The following AFF3 variants were observed in gnomAD, a reference collection of about 807,000 sequenced individuals.
AFF3 encodes the protein AF4/FMR2 family member 3.
Under a neutral mutation model 129.7 loss-of-function variants are expected in AFF3, and 32 were observed. The observed-to-expected ratio is 0.25, with a 90% CI of 0.19 to 0.33. AFF3 has a LOEUF of 0.33. AFF3 is among the 10% of genes least tolerant of loss of function. AFF3 has a pLI of 1.00. For missense variants in AFF3, 1,373 were observed against 1,592.0 expected (o/e 0.86, Z 2.34); for synonymous variants, 644 against 635.4 (o/e 1.01, Z -0.20).
chr2:99,981,497 A>G (rs1011656071), intron 7 of AFF3, among the ~76,000 whole-genome samples: 1 of 152,240 alleles, frequency 6.6e-6, no homozygotes, highest in Non-Finnish European at 1.5e-5. Flanking sequence ...CTAGAAGTTT[A>G]GATTAGAATC....
intron 7 of AFF3, among the ~76,000 whole-genome samples, chr2:99,972,815 G>GC (rs1678516418): frequency 6.6e-6 from 1 of 152,152 alleles, no homozygotes. Flanking sequence ...GCAAAGATAT[G>GC]CCCCCAACTC....
rs17023167 is a variant in AFF3, at chr2:99,833,748, C to G, written c.921+3729G>C. On this transcript the variant is annotated intron_variant, in intron 8 of 24. Coordinates refer to ENST00000672756, the MANE Select transcript of AFF3 (RefSeq NM_001386135.1). ...TATGAAAAGCACCTAAGTATTACAG[C>G]ACTGGAACATTTAAGGATAAAATAG... is the stretch of plus-strand genomic sequence containing the variant. Among the ~76,000 whole-genome samples, 1,135 of 152,218 alleles carry G rather than the reference C, an allele frequency of 7.5e-3. 16 individuals carry two copies. Among genetic ancestry groups the G allele is most frequent in the African/African-American group, 0.026 (1,099 of 41,542 alleles).
intron 4 of AFF3, among the ~76,000 whole-genome samples, chr2:100,063,816 G>A (rs541787607): frequency 1.5e-4 from 23 of 152,214 alleles, no homozygotes; most frequent in African/African-American, 2.4e-4. Flanking sequence ...CAGGCTGGGC[G>A]CGGTGGCTCA....
chr2:99,877,825 C>T (rs932482321), intron 7 of AFF3, among the ~76,000 whole-genome samples: 4 of 152,090 alleles, frequency 2.6e-5, no homozygotes, highest in African/African-American at 4.8e-5. Flanking sequence ...TTCACAAAAA[C>T]GTGCACTATT....
At chr2:99,813,263 T>C (rs185860492) in intron 8 of AFF3, among the ~76,000 whole-genome samples, 1 of 152,358 alleles carries the variant, frequency 6.6e-6, no homozygotes, top group East Asian at 1.9e-4. Flanking sequence ...CAGTTCCAAC[T>C]ACAGCTCAAT....
chr2:99,639,343 T>C (rs1412837520), intron 13 of AFF3, among the ~76,000 whole-genome samples: 1 of 152,184 alleles, frequency 6.6e-6, no homozygotes, highest in African/African-American at 2.4e-5. Flanking sequence ...ATGCAGTGGA[T>C]TGAGCTAACA....
At chr2:99,851,388 T>G (rs1301735391) in intron 7 of AFF3, among the ~76,000 whole-genome samples, 2 of 152,212 alleles carry the variant, frequency 1.3e-5, no homozygotes, top group Non-Finnish European at 2.9e-5. Context: ...TTCCCTGCAT[T>G]GATGTTTTAT....
At chr2:99,910,567 T>C (rs908844618) in intron 7 of AFF3, among the ~76,000 whole-genome samples, 9 of 152,328 alleles carry the variant, frequency 5.9e-5, no homozygotes, top group African/African-American at 2.2e-4. Flanking sequence ...CATCACTGTG[T>C]AATAGTGCAA....
At chr2:99,947,633 T>TAGACAGAC (rs1211365979) in intron 7 of AFF3, among the ~76,000 whole-genome samples, 54 of 143,280 alleles carry the variant, frequency 3.8e-4, no homozygotes, top group African/African-American at 1.4e-3. Flanking sequence ...GATAGATAGA[T>TAGACAGAC]AGATAGATAG....
intron 7 of AFF3, among the ~76,000 whole-genome samples, chr2:99,868,414 G>A (rs572691093): frequency 6.6e-6 from 1 of 152,266 alleles, no homozygotes; most frequent in South Asian, 2.1e-4. Context: ...AGGCCGGGAG[G>A]GGAGACAGCA....
chr2:100,122,494 C>A lies in AFF3; in HGVS notation c.-145+6730G>T, dbSNP rs907860205. Among the ~76,000 whole-genome samples the A allele has an allele frequency of 2.6e-5, 4 of 152,300 alleles. No individual in the cohort carries two copies. In the South Asian group the frequency reaches 8.3e-4, roughly 32 times the overall value. ...AAATAAAGCATCACTCAAGGATGTG[C>A]AGGGCAAATTAAGAGATGGTCGCAG... is the stretch of plus-strand genomic sequence containing the variant. On this transcript the variant is annotated intron_variant, in intron 2 of 24. Coordinates refer to ENST00000672756, the MANE Select transcript of AFF3 (RefSeq NM_001386135.1).
Position 99,933,879 on chromosome 2 carries a change from G to A in AFF3, c.873+72753C>T, listed in dbSNP as rs112473418. On this transcript the variant is annotated intron_variant, in intron 7 of 24. Transcript: ENST00000672756. ...GTAGAACAAATAATTAATGGTGTCC[G>A]GAGGTAGTTAAAAAGGGAGGGATGG... 9.0e-3 allele frequency among the ~76,000 whole-genome samples: 1,369 copies of A among 152,234 alleles called. 12 individuals carry two copies. Among genetic ancestry groups the A allele is most frequent in the Non-Finnish European group, 0.014 (983 of 68,016 alleles).
Position 99,643,681 on chromosome 2 carries a change from G to A in AFF3, c.1184+5945C>T, listed in dbSNP as rs1255533649. ...CTGGAGCTCGTCCACTTGACAAGGG[G>A]TCAGGAAGATGAAGCTGAATCCAAC... On this transcript the variant is annotated intron_variant, in intron 13 of 24. Transcript: ENST00000672756. Among the ~76,000 whole-genome samples the A allele has an allele frequency of 5.3e-5, 8 of 152,122 alleles. No homozygotes were observed. The East Asian group carries it at 1.5e-3, about 29-fold the overall frequency.
intron 7 of AFF3, among the ~76,000 whole-genome samples, chr2:99,896,324 T>C (rs1470136862): frequency 6.6e-6 from 1 of 152,072 alleles, no homozygotes; most frequent in Non-Finnish European, 1.5e-5. Context: ...CAGGGACCTC[T>C]GAAGCTTCCC....
chr2:100,013,783 C>G (rs1377912689), intron 4 of AFF3, among the ~76,000 whole-genome samples: 1 of 152,106 alleles, frequency 6.6e-6, no homozygotes, highest in Non-Finnish European at 1.5e-5. Flanking sequence ...AGAAATCAGT[C>G]TCTTTCCACA....
chr2:99,855,639 A>G (rs1457101214), intron 7 of AFF3, among the ~76,000 whole-genome samples: 1 of 152,178 alleles, frequency 6.6e-6, no homozygotes, highest in Non-Finnish European at 1.5e-5. Context: ...GAATGCCCAA[A>G]TAAATAAATA....
intron 4 of AFF3, among the ~76,000 whole-genome samples, chr2:100,030,512 G>A (rs910143260): frequency 1.3e-5 from 2 of 152,098 alleles, no homozygotes; most frequent in African/African-American, 2.4e-5. Flanking sequence ...CAAGCTCCTA[G>A]ATATCTACCC....
chr2:99,712,166 T>C (rs1039356977), intron 11 of AFF3, among the ~76,000 whole-genome samples: 1 of 152,236 alleles, frequency 6.6e-6, no homozygotes, highest in Admixed American at 6.5e-5. Flanking sequence ...GAATGGGTCC[T>C]AAAATATTCT....
At chr2:99,889,149 G>C (rs758272912) in intron 7 of AFF3, among the ~76,000 whole-genome samples, 38 of 151,670 alleles carry the variant, frequency 2.5e-4, no homozygotes, top group Non-Finnish European at 2.6e-4. Context: ...AAATTTTATA[G>C]ATGTGGTCTC....
Sources: allele counts gnomAD v4.1 joint callset (sites outside exome capture counted in the v4.1 genomes callset), GRCh38; gene constraint gnomAD v4.1.1; transcripts MANE v1.5; gene names NCBI Gene and HGNC (gene_info 2026-07-23, HGNC 2026-07-21).